TGFB3: variants seen among roughly 807,000 people sequenced by gnomAD.
TGFB3 encodes transforming growth factor beta 3.
In TGFB3, 5 loss-of-function variants were observed where a neutral mutation model predicts 40.1. The observed-to-expected ratio is 0.12, with a 90% CI of 0.07 to 0.26. TGFB3 has a LOEUF of 0.26. Among genes scored for constraint, TGFB3 ranks in the 10% least tolerant of loss-of-function variants. TGFB3 has a pLI of 1.00. For missense variants in TGFB3, 373 were observed against 530.1 expected (o/e 0.70, Z 2.91); for synonymous variants, 184 against 205.6 (o/e 0.89, Z 0.90).
chr14:75,959,275 T>C lies in TGFB3; in HGVS notation c.1151A>G (p.Glu384Gly), dbSNP rs777902992. The C allele has an allele frequency of 6.2e-7, 1 of 1,614,140 alleles. No homozygotes were observed. The highest frequency in any genetic ancestry group is 8.5e-7 in the Non-Finnish European group (1 of 1,180,008). The stretch of plus-strand genomic sequence containing the variant: ...AACATAGTACAGGATGGTCAGGGGC[T>C]CCAGGTCCTGGGGCACGCAGCAAGG... ...ASPCCVPQDL[E>G]PLTILYYVGR... Residue 384 changes from glutamate to glycine, a missense_variant, in exon 7 of 7, where the codon GAG becomes GGG. Coordinates refer to ENST00000238682, the MANE Select transcript of TGFB3 (RefSeq NM_003239.5).
intron 1 of TGFB3, among the ~76,000 whole-genome samples, chr14:75,975,221 A>T (rs2300607): frequency 0.67 from 101,082 of 151,648 alleles, 35,195 homozygotes; most frequent in Non-Finnish European, 0.76. Context: ...TACAAAAATT[A>T]GCTGGGTGTG....
In TGFB3 at chr14:75,981,394, G is replaced by A; in HGVS notation, c.-501C>T. On this transcript the variant is annotated 5_prime_UTR_variant, in exon 1 of 7. Coordinates refer to ENST00000238682, the MANE Select transcript of TGFB3 (RefSeq NM_003239.5). The surrounding 1 kb of genome is among the most constrained non-coding windows in gnomAD (Gnocchi z 4.7). The stretch of plus-strand genomic sequence containing the variant: ...CTTGCCTTGCCTTGAAAGAAAATAA[G>A]AAAAGAGAATGGAAAAGAAAAGGGA... The A allele has an allele frequency of 8.0e-5, 13 of 161,786 alleles. No homozygotes were observed. Among genetic ancestry groups the A allele is most frequent in the Admixed American group, 2.4e-4 (4 of 16,646 alleles). 10.0% of individuals were successfully genotyped at this position (161,786 alleles called of 1,614,324 possible). A position where few individuals can be genotyped will look rare whatever the true frequency, so the allele number is the denominator to read the frequency against.
chr14:75,971,418 A>C lies in TGFB3; in HGVS notation c.516+137T>G. 6.6e-7 allele frequency: 1 copy of C among 1,518,568 alleles called. No individual in the cohort carries two copies. The highest frequency in any genetic ancestry group is 9.0e-7 in the Non-Finnish European group (1 of 1,114,042). 94.1% of individuals were successfully genotyped at this position (1,518,568 alleles called of 1,614,324 possible). A position where few individuals can be genotyped will look rare whatever the true frequency, so the allele number is the denominator to read the frequency against. Reference sequence around the variant, plus strand: ...ACTCTTAAGTGTTTTAATGACAGACACAGATACGGAAACGAAGGCTCAGAG... The same window carrying C: ...ACTCTTAAGTGTTTTAATGACAGACCCAGATACGGAAACGAAGGCTCAGAG... On this transcript the variant is annotated intron_variant, in intron 2 of 6. Transcript: ENST00000238682. This position sits in a 1 kb window ranked among gnomAD's most constrained non-coding sequence, Gnocchi z 4.5.
At chr14:75,963,732 T>G (rs1566679757) in intron 4 of TGFB3, among the ~76,000 whole-genome samples, 1 of 152,196 alleles carries the variant, frequency 6.6e-6, no homozygotes, top group Non-Finnish European at 1.5e-5. Context: ...TGCCCCGTGT[T>G]CAGATCCCCA....
chr14:75,970,095 C>T (rs2268622), intron 3 of TGFB3, among the ~76,000 whole-genome samples: 121,034 of 152,044 alleles, frequency 0.8, 48,469 homozygotes, highest in South Asian at 0.84. Flanking sequence ...ACAGAGCTGC[C>T]GTTGGCAGAT....
Position 75,959,174 on chromosome 14 carries a change from C to A in TGFB3, c.*13G>T, listed in dbSNP as rs375846390. 2 of 1,614,072 alleles carry A rather than the reference C, an allele frequency of 1.2e-6. No homozygotes were observed. The highest frequency in any genetic ancestry group is 1.1e-5 in the South Asian group (1 of 91,054). ...GTGGTTCTCTCTCCCCTCTCTCTGT[C>A]GCACGTGGGGTCTCAGCTACATTTA... On this transcript the variant is annotated 3_prime_UTR_variant, in exon 7 of 7. Coordinates refer to ENST00000238682, the MANE Select transcript of TGFB3 (RefSeq NM_003239.5).
chr14:75,982,392 G>T (rs2035447045), upstream of TGFB3, among the ~76,000 whole-genome samples: 1 of 152,166 alleles, frequency 6.6e-6, no homozygotes, highest in Non-Finnish European at 1.5e-5. This position sits in a 1 kb window ranked among gnomAD's most constrained non-coding sequence, Gnocchi z 4.0. Context: ...CCGGGGCAGG[G>T]TCCGCAGAGG....
upstream of TGFB3, among the ~76,000 whole-genome samples, chr14:75,982,057 G>C (rs867431530): frequency 6.6e-6 from 1 of 152,138 alleles, no homozygotes; most frequent in Non-Finnish European, 1.5e-5. This position sits in a 1 kb window ranked among gnomAD's most constrained non-coding sequence, Gnocchi z 4.0. Context: ...GGCCTGGGGT[G>C]GGGGAGGGAG....
chr14:75,958,986 C>T lies in TGFB3; in HGVS notation c.*201G>A. On this transcript the variant is annotated 3_prime_UTR_variant, in exon 7 of 7. Coordinates refer to ENST00000238682, the MANE Select transcript of TGFB3 (RefSeq NM_003239.5). ...TTCAGCCTTCCTCTAACCAAACCCA[C>T]ACTTTCTTTACCACCGTGATTCTCA... 1.5e-6 allele frequency: 1 copy of T among 662,612 alleles called. No individual in the cohort carries two copies. The highest frequency in any genetic ancestry group is 1.7e-5 in the South Asian group (1 of 58,700). 41.0% of individuals were successfully genotyped at this position (662,612 alleles called of 1,614,324 possible).
Position 75,980,697 on chromosome 14 carries a change from G to A in TGFB3, c.197C>T (p.Pro66Leu). The change falls in exon 1 of 7, where the codon CCC becomes CTC. Residue 66 changes from proline (P) to leucine (L), a missense_variant. By Grantham distance (98) the Pro-to-Leu change is moderately conservative. Transcript: ENST00000238682. This position sits in a 1 kb window ranked among gnomAD's most constrained non-coding sequence, Gnocchi z 4.3. Reference sequence around the variant, plus strand: ...GTTGTAAAGGGCCAGGACCTGATAGGGGACGTGGGTCATCACCGTTGGCTC... The same window carrying A: ...GTTGTAAAGGGCCAGGACCTGATAGAGGACGTGGGTCATCACCGTTGGCTC... Reference protein sequence around the residue: ...PPEPTVMTHVPYQVLALYNST... With the variant: ...PPEPTVMTHVLYQVLALYNST... 1 of 1,614,222 alleles carries A rather than the reference G, an allele frequency of 6.2e-7. No individual in the cohort carries two copies.
rs534146542 is a variant in TGFB3 at position 75,971,847 on chromosome 14, C to G, written c.353-129G>C. On this transcript the variant is annotated intron_variant, in intron 1 of 6. Transcript: ENST00000238682. The surrounding 1 kb of genome is among the most constrained non-coding windows in gnomAD (Gnocchi z 4.5). ...TCCCTAGAGGCTTGAGGCCTCAGAC[C>G]GCAAGGTGGAGATACGAGGAAGATT... 3 of 962,980 alleles carry G rather than the reference C, an allele frequency of 3.1e-6. No homozygotes were observed. Among genetic ancestry groups the G allele is most frequent in the Admixed American group, 2.0e-5 (1 of 48,878 alleles). 59.7% of individuals were successfully genotyped at this position (962,980 alleles called of 1,614,324 possible).
At chr14:75,965,551 C>A (rs767668863) in intron 4 of TGFB3, 37 bp downstream of exon 4, 61 of 1,549,406 alleles carry the variant, frequency 3.9e-5, no homozygotes, top group Admixed American at 5.0e-5. Context: ...ACTTCCCCCC[C>A]ACTCACCCAT....
At chr14:75,976,006 C>G (rs1364310577) in intron 1 of TGFB3, among the ~76,000 whole-genome samples, 2 of 152,206 alleles carry the variant, frequency 1.3e-5, no homozygotes, top group Non-Finnish European at 2.9e-5. Context: ...GCCATTTTCT[C>G]TATTTTGTTT....
Position 75,963,886 on chromosome 14 carries a change from G to A in TGFB3, c.755-399C>T, listed in dbSNP as rs912229134. On this transcript the variant is annotated intron_variant, in intron 4 of 6. Coordinates refer to ENST00000238682, the MANE Select transcript of TGFB3 (RefSeq NM_003239.5). ...TGTCGGCTTGTTTATTTGTTTGTTT[G>A]TTTGTTTTGAGACAGAGTCTCGCTC... 3.3e-5 allele frequency among the ~76,000 whole-genome samples: 5 copies of A among 152,146 alleles called. No individual in the cohort carries two copies. The East Asian group carries it at 9.7e-4, about 29-fold the overall frequency.
rs1427086509 is a variant in TGFB3 at position 75,958,667 on chromosome 14, G to A, written c.*520C>T. On this transcript the variant is annotated 3_prime_UTR_variant, in exon 7 of 7. Transcript: ENST00000238682. The stretch of plus-strand genomic sequence containing the variant: ...TTGCCCTTAATCCCAGACAGTATGA[G>A]ATACAATTCTGGGACTTTGTCTTCG... 1.4e-5 allele frequency: 3 copies of A among 209,150 alleles called. No homozygotes were observed. In the Admixed American group the frequency reaches 1.6e-4, roughly 11 times the overall value. 13.0% of individuals were successfully genotyped at this position (209,150 alleles called of 1,614,324 possible).
chr14:75,969,654 G>C (rs1376722962), intron 3 of TGFB3, among the ~76,000 whole-genome samples: 1 of 152,158 alleles, frequency 6.6e-6, no homozygotes, highest in Non-Finnish European at 1.5e-5. Context: ...AGATATTTGG[G>C]ACATGTGAAG....
Position 75,958,357 on chromosome 14 carries a change from C to T in TGFB3, c.*830G>A, listed in dbSNP as rs560085664. 8.5e-4 allele frequency: 130 copies of T among 152,790 alleles called. No individual in the cohort carries two copies. The highest frequency in any genetic ancestry group is 1.6e-3 in the Non-Finnish European group (108 of 68,104). The allele number at this position is 152,790 out of a possible 1,614,324, so 9.5% of individuals were successfully genotyped here. On this transcript the variant is annotated 3_prime_UTR_variant, in exon 7 of 7. Coordinates refer to ENST00000238682, the MANE Select transcript of TGFB3 (RefSeq NM_003239.5). ...TCTTGGAGGGGAAGTGGGGGAAGAA[C>T]CCATAATGCCCCAAGGCTGCATGGA...
chr14:75,980,976 A>AAACC lies in TGFB3; in HGVS notation c.-87_-84dup. ...AGCAGACGTGCAGAAGGAGGGAGGA[A>AAACC]AACCAGGCGGCCTCCCCAGATCCCA... is the stretch of plus-strand genomic sequence containing the variant. On this transcript the variant is annotated 5_prime_UTR_variant, in exon 1 of 7. Coordinates refer to ENST00000238682, the MANE Select transcript of TGFB3 (RefSeq NM_003239.5). The surrounding 1 kb of genome is among the most constrained non-coding windows in gnomAD (Gnocchi z 4.3). 2.3e-6 allele frequency: 3 copies of AAACC among 1,322,758 alleles called. No individual in the cohort carries two copies. The South Asian group carries it at 3.5e-5, about 16-fold the overall frequency. The allele number at this position is 1,322,758 out of a possible 1,614,324, so 81.9% of individuals were successfully genotyped here.
intron 5 of TGFB3, 32 bp from the exon 6 acceptor site, chr14:75,961,108 T>A (rs2035151701): frequency 2.5e-6 from 4 of 1,613,206 alleles, no homozygotes; most frequent in Non-Finnish European, 3.4e-6. Context: ...GAAAATCAAC[T>A]TAAAACCACC....
Sources: gnomAD v4.1 joint callset for allele counts (sites outside exome capture counted in the v4.1 genomes callset) on GRCh38, gnomAD v4.1.1 for gene constraint, Gnocchi (gnomAD v3.1) non-coding constraint, MANE v1.5 for transcripts, NCBI Gene and HGNC (gene_info 2026-07-23, HGNC 2026-07-21) for gene names.